The following TUBB3 variants were observed in gnomAD, a reference collection of about 807,000 sequenced individuals.
TUBB3 encodes tubulin beta-3 chain.
In TUBB3, 17 loss-of-function variants were observed where a neutral mutation model predicts 37.8. The observed-to-expected ratio is 0.45, with a 90% confidence interval of 0.31 to 0.67. The LOEUF is 0.67. Among genes scored for constraint, TUBB3 ranks in the 30% least tolerant of loss-of-function variants. The pLI, the probability that TUBB3 is intolerant of heterozygous loss-of-function variation, is 0.07. For synonymous variants in TUBB3, 332 were observed against 278.9 expected (o/e 1.19, Z -1.90); for missense variants, 262 against 657.9 (o/e 0.40, Z 6.58).
At chr16:89,934,483 G>A (rs916921077) in intron 3 of TUBB3, 2 of 633,536 alleles carry the variant, frequency 3.2e-6, no homozygotes, top group South Asian at 3.1e-5. Flanking sequence ...AGGAGGCAGA[G>A]CCTCGCTCTG....
At chr16:89,927,809 G>C (rs2030139952) in intron 1 of TUBB3, among the ~76,000 whole-genome samples, 1 of 152,194 alleles carries the variant, frequency 6.6e-6, no homozygotes, top group South Asian at 2.1e-4. Context: ...CTGCTCCATT[G>C]CTCCTGCTGC....
chr16:89,923,254 C>A (rs2029947992), upstream of TUBB3: 2 of 431,374 alleles, frequency 4.6e-6, no homozygotes, highest in Non-Finnish European at 7.1e-6. Context: ...TCTGCGGCGG[C>A]GCCTCCCGAT....
Position 89,923,379 on chromosome 16 carries a change from G to C in TUBB3, c.-23G>C. The C allele has an allele frequency of 6.8e-7, 1 of 1,459,862 alleles. No individual in the cohort carries two copies. The highest frequency in any genetic ancestry group is 9.1e-7 in the Non-Finnish European group (1 of 1,102,250). The allele number at this position is 1,459,862 out of a possible 1,614,324, so 90.4% of individuals were successfully genotyped here. A position where few individuals can be genotyped will look rare whatever the true frequency, so the allele number is the denominator to read the frequency against. Reference sequence around the variant, plus strand: ...CCCGGCCCGCCCGCGCCCGTCCGCAGCCGCCCGCCAGACGCGCCCAGTATG... The same window carrying C: ...CCCGGCCCGCCCGCGCCCGTCCGCACCCGCCCGCCAGACGCGCCCAGTATG... On this transcript the variant is annotated 5_prime_UTR_variant, in exon 1 of 4. Coordinates refer to ENST00000315491, the MANE Select transcript of TUBB3 (RefSeq NM_006086.4).
intron 1 of TUBB3, among the ~76,000 whole-genome samples, chr16:89,923,974 G>C (rs903404979): frequency 6.6e-6 from 1 of 152,116 alleles, no homozygotes; most frequent in African/African-American, 2.4e-5. Context: ...ACACCCCTCG[G>C]CGTCCTAGCT....
At chr16:89,927,535 A>C (rs879870220) in intron 1 of TUBB3, among the ~76,000 whole-genome samples, 6 of 152,212 alleles carry the variant, frequency 3.9e-5, no homozygotes, top group Non-Finnish European at 8.8e-5. Flanking sequence ...ACCTCTCTCT[A>C]TCCAAGTGGG....
chr16:89,934,429 T>C (rs771420323), intron 3 of TUBB3: 67 of 572,194 alleles, frequency 1.2e-4, no homozygotes, highest in South Asian at 1.0e-3. Context: ...GGAAGGAAGG[T>C]ATGCTGGAGC....
In TUBB3 at chr16:89,925,803, G is replaced by T. The variant is rs895999984; in HGVS notation, c.57+2345G>T. Among the ~76,000 whole-genome samples, 3 of 152,224 alleles carry T rather than the reference G, an allele frequency of 2.0e-5. No homozygotes were observed. In the East Asian group the frequency reaches 5.8e-4, roughly 29 times the overall value. On this transcript the variant is annotated intron_variant, in intron 1 of 3. Transcript: ENST00000315491. ...TCCCTGTCTGGGGTCCTCGGGCGGTGCCTGGCTGGGCAGGAAGGCCCGTGC... is the reference window on the plus strand; with the variant it reads ...TCCCTGTCTGGGGTCCTCGGGCGGTTCCTGGCTGGGCAGGAAGGCCCGTGC...
intron 1 of TUBB3, among the ~76,000 whole-genome samples, chr16:89,926,241 G>A (rs1002101990): frequency 1.7e-4 from 26 of 152,102 alleles, no homozygotes; most frequent in Non-Finnish European, 2.8e-4. Context: ...CTGCGGCACC[G>A]CCTCCTCGCG....
At chr16:89,927,507 C>G (rs2030128711) in intron 1 of TUBB3, among the ~76,000 whole-genome samples, 1 of 152,124 alleles carries the variant, frequency 6.6e-6, no homozygotes, top group South Asian at 2.1e-4. Flanking sequence ...TGCAGATAAA[C>G]CTGGTGCCCA....
chr16:89,929,002 C>A (rs1230373127), intron 1 of TUBB3, among the ~76,000 whole-genome samples: 1 of 147,952 alleles, frequency 6.8e-6, no homozygotes, highest in Non-Finnish European at 1.5e-5. Context: ...CACTCTTGTC[C>A]CACAGGCTGG....
chr16:89,923,370 C>G lies in TUBB3; in HGVS notation c.-32C>G. 6.9e-7 allele frequency: 1 copy of G among 1,450,468 alleles called. No individual in the cohort carries two copies. The highest frequency in any genetic ancestry group is 9.1e-7 in the Non-Finnish European group (1 of 1,097,034). The allele number at this position is 1,450,468 out of a possible 1,614,324, so 89.8% of individuals were successfully genotyped here. A position where few individuals can be genotyped will look rare whatever the true frequency, so the allele number is the denominator to read the frequency against. On this transcript the variant is annotated 5_prime_UTR_variant, in exon 1 of 4. Coordinates refer to ENST00000315491, the MANE Select transcript of TUBB3 (RefSeq NM_006086.4). ...AGCAGCCAGCCCGGCCCGCCCGCGC[C>G]CGTCCGCAGCCGCCCGCCAGACGCG...
chr16:89,925,985 G>A (rs2030063540), intron 1 of TUBB3, among the ~76,000 whole-genome samples: 1 of 152,142 alleles, frequency 6.6e-6, no homozygotes, highest in Non-Finnish European at 1.5e-5. Flanking sequence ...GGCGCAGCCC[G>A]CCGGGAGGAT....
chr16:89,933,331 T>G (rs1432504571), intron 2 of TUBB3, 137 bp from the exon 3 acceptor site: 1 of 824,556 alleles, frequency 1.2e-6, no homozygotes, highest in Non-Finnish European at 2.2e-6. Context: ...TTGCCTTTGG[T>G]CCAGGACTCT....
At chr16:89,930,692 C>G (rs1480640145) in intron 1 of TUBB3, among the ~76,000 whole-genome samples, 1 of 152,098 alleles carries the variant, frequency 6.6e-6, no homozygotes. Flanking sequence ...AGCCACCGCA[C>G]CTGGCCTCTA....
intron 1 of TUBB3, among the ~76,000 whole-genome samples, chr16:89,928,524 AT>A (rs34609827): frequency 0.07 from 9,482 of 135,966 alleles, 438 homozygotes; most frequent in East Asian, 0.27. Context: ...ACACTGGCTA[AT>A]TTTTTTTTTT....
At chr16:89,933,252 C>G in intron 2 of TUBB3, 1 of 698,848 alleles carries the variant, frequency 1.4e-6, no homozygotes, top group Non-Finnish European at 2.6e-6. Flanking sequence ...TCCTGCCTGT[C>G]CTGCTCCGTC....
chr16:89,924,355 C>T (rs2029995439), intron 1 of TUBB3, among the ~76,000 whole-genome samples: 1 of 152,186 alleles, frequency 6.6e-6, no homozygotes, highest in Admixed American at 6.5e-5. Flanking sequence ...GCTGGGCTGG[C>T]CCTTGGTTCT....
chr16:89,932,126 G>T (rs569955673), intron 1 of TUBB3: 2 of 309,642 alleles, frequency 6.5e-6, no homozygotes, highest in South Asian at 2.8e-5. Context: ...GCGATCCTGA[G>T]CTCTGGGCCT....
At chr16:89,931,819 C>G (rs1261373613) in intron 1 of TUBB3, 1 of 397,882 alleles carries the variant, frequency 2.5e-6, no homozygotes, top group Non-Finnish European at 5.2e-6. Flanking sequence ...GGAGCAGAGT[C>G]CGAGAAGCAC....
Sources: gnomAD v4.1 joint callset for allele counts (sites outside exome capture counted in the v4.1 genomes callset) on GRCh38, gnomAD v4.1.1 for gene constraint, MANE v1.5 for transcripts, NCBI Gene and HGNC (gene_info 2026-07-23, HGNC 2026-07-21) for gene names.